SOX6: variants seen among roughly 807,000 people sequenced by gnomAD.
The protein encoded by SOX6 is transcription factor SOX-6.
In SOX6, 11 loss-of-function variants were observed where a neutral mutation model predicts 97.8. The ratio of observed to expected loss-of-function variants is 0.11; its 90% confidence interval spans 0.07 to 0.19. The LOEUF is 0.19. Ranked by LOEUF, SOX6 falls within the 10% of genes least tolerant of loss-of-function variation. The pLI is 1.00. For synonymous variants in SOX6, 360 were observed against 371.4 expected (o/e 0.97, Z 0.35); for missense variants, 810 against 1,039.5 (o/e 0.78, Z 3.04).
intron 3 of SOX6, among the ~76,000 whole-genome samples, chr11:16,689,035 A>T (rs1022696604): frequency 1.7e-4 from 26 of 152,166 alleles, no homozygotes; most frequent in African/African-American, 6.3e-4. Context: ...TTTCTACCTT[A>T]TGCCCTTATT....
chr11:16,538,457 T>A (rs1238870486), intron 4 of SOX6, among the ~76,000 whole-genome samples: 11 of 152,252 alleles, frequency 7.2e-5, no homozygotes, highest in South Asian at 4.2e-4. Flanking sequence ...AATGACAGGA[T>A]CAAATTCACA....
chr11:16,559,307 C>T (rs1292133947), intron 4 of SOX6, among the ~76,000 whole-genome samples: 3 of 152,124 alleles, frequency 2.0e-5, no homozygotes, highest in South Asian at 4.1e-4. Context: ...ACACAGTTCA[C>T]ACTTTCTTGC....
intron 3 of SOX6, chr11:16,315,101 C>A (rs1431538327): frequency 6.6e-6 from 1 of 152,052 alleles, no homozygotes; most frequent in African/African-American, 2.4e-5. Context: ...CCATGCCTGG[C>A]TAATTTTTGT....
intron 2 of SOX6, among the ~76,000 whole-genome samples, chr11:16,323,228 A>T (rs1855979285): frequency 6.6e-6 from 1 of 152,004 alleles, no homozygotes; most frequent in Admixed American, 6.6e-5. Context: ...TGTGTAGATG[A>T]TTGAAAAAGT....
At chr11:16,131,728 AC>A (rs1291790475) in intron 6 of SOX6, among the ~76,000 whole-genome samples, 1 of 152,122 alleles carries the variant, frequency 6.6e-6, no homozygotes, top group East Asian at 1.9e-4. Flanking sequence ...TCTATGGAAT[AC>A]TACTTAGCAA....
intron 3 of SOX6, among the ~76,000 whole-genome samples, chr11:16,672,857 A>G (rs1304835652): frequency 6.6e-6 from 1 of 152,246 alleles, no homozygotes; most frequent in Non-Finnish European, 1.5e-5. Context: ...TGGAAATCAG[A>G]AAAAAGCAGG....
At chr11:16,381,974 C>G (rs1857836023) in intron 1 of SOX6, among the ~76,000 whole-genome samples, 1 of 151,918 alleles carries the variant, frequency 6.6e-6, no homozygotes, top group Non-Finnish European at 1.5e-5. Flanking sequence ...ATGTTCTAAT[C>G]AAAGTCTGGT....
At chr11:16,363,277 G>A (rs1857255790) in intron 1 of SOX6, among the ~76,000 whole-genome samples, 1 of 152,128 alleles carries the variant, frequency 6.6e-6, no homozygotes, top group South Asian at 2.1e-4. Context: ...TGAGTAAATG[G>A]AGAAAACTTC....
At chr11:16,562,741 C>T (rs1565181320) in intron 4 of SOX6, among the ~76,000 whole-genome samples, 1 of 152,152 alleles carries the variant, frequency 6.6e-6, no homozygotes, top group Non-Finnish European at 1.5e-5. Context: ...AGAATGGTAT[C>T]AAGGAATGCC....
intron 14 of SOX6, among the ~76,000 whole-genome samples, chr11:15,986,733 A>G (rs1209679181): frequency 1.3e-5 from 2 of 152,166 alleles, no homozygotes; most frequent in Admixed American, 6.5e-5. Flanking sequence ...TACCCTCTCA[A>G]CAGGGATAAA....
intron 3 of SOX6, among the ~76,000 whole-genome samples, chr11:16,689,166 C>T (rs1012357104): frequency 6.6e-6 from 1 of 152,206 alleles, no homozygotes; most frequent in African/African-American, 2.4e-5. Context: ...AGTTTCCTCA[C>T]ACCCATGCAT....
intron 4 of SOX6, among the ~76,000 whole-genome samples, chr11:16,540,080 T>C (rs1384649389): frequency 6.6e-6 from 1 of 152,142 alleles, no homozygotes; most frequent in African/African-American, 2.4e-5. Context: ...AATAAAATAC[T>C]GGAAAACCGA....
chr11:16,182,401 G>A (rs1851369064), intron 6 of SOX6, among the ~76,000 whole-genome samples: 1 of 151,678 alleles, frequency 6.6e-6, no homozygotes, highest in African/African-American at 2.4e-5. Context: ...TCCTACAGAG[G>A]GATCTACAGA....
intron 13 of SOX6, among the ~76,000 whole-genome samples, chr11:15,993,313 C>A (rs796785526): frequency 4.6e-5 from 7 of 152,236 alleles, no homozygotes; most frequent in African/African-American, 1.7e-4. Context: ...GTGCAAAAAA[C>A]CAAGTATTTC....
At chr11:16,633,299 A>C (rs1426938358) in intron 3 of SOX6, among the ~76,000 whole-genome samples, 1 of 152,182 alleles carries the variant, frequency 6.6e-6, no homozygotes, top group Non-Finnish European at 1.5e-5. Context: ...TATTCATTTT[A>C]TTGTCAATGC....
chr11:15,984,003 TC>T (rs1343577899), intron 15 of SOX6, among the ~76,000 whole-genome samples: 5 of 152,158 alleles, frequency 3.3e-5, no homozygotes, highest in Admixed American at 3.3e-4. Flanking sequence ...TAAAGACAGT[TC>T]CTCAGTCATT....
chr11:16,299,876 ATAAT>A (rs1014588425), intron 3 of SOX6, among the ~76,000 whole-genome samples: 14 of 152,200 alleles, frequency 9.2e-5, no homozygotes, highest in South Asian at 8.3e-4. Flanking sequence ...AAAATCCAAA[ATAAT>A]TAATTATTTT....
At chr11:16,061,113 C>CA (rs1242444759) in intron 9 of SOX6, among the ~76,000 whole-genome samples, 2 of 151,094 alleles carry the variant, frequency 1.3e-5, no homozygotes, top group Non-Finnish European at 3.0e-5. Context: ...AAATAAAAGG[C>CA]AAAAAAATTT....
intron 6 of SOX6, among the ~76,000 whole-genome samples, chr11:16,161,006 A>T (rs1174378871): frequency 6.6e-6 from 1 of 152,144 alleles, no homozygotes; most frequent in African/African-American, 2.4e-5. Flanking sequence ...TAGCTTTTTA[A>T]TGTTTCTGTA....
Sources: allele counts gnomAD v4.1 joint callset (sites outside exome capture counted in the v4.1 genomes callset), GRCh38; gene constraint gnomAD v4.1.1; transcripts MANE v1.5; gene names NCBI Gene and HGNC (gene_info 2026-07-23, HGNC 2026-07-21).